CHRM3: variants seen among roughly 807,000 people sequenced by gnomAD.
CHRM3 encodes cholinergic receptor muscarinic 3.
Under a neutral mutation model 41.8 loss-of-function variants are expected in CHRM3, and 11 were observed. The observed-to-expected ratio is 0.26, with a 90% CI of 0.17 to 0.44. The LOEUF is 0.44. Ranked by LOEUF, CHRM3 falls within the 20% of genes least tolerant of loss-of-function variation. The probability of loss-of-function intolerance (pLI) is 1.00; values close to 1 mark genes in which losing one functional copy is unlikely to be tolerated. For synonymous variants in CHRM3, 297 were observed against 301.4 expected (o/e 0.99, Z 0.15); for missense variants, 571 against 745.4 (o/e 0.77, Z 2.72).
Position 239,881,945 on chromosome 1 carries a change from G to A in CHRM3, c.-19-25488G>A, listed in dbSNP as rs555391700. On this transcript the variant is annotated intron_variant, in intron 6 of 6. Coordinates refer to ENST00000676153, the MANE Select transcript of CHRM3 (RefSeq NM_001375978.1). The stretch of plus-strand genomic sequence containing the variant: ...TTTGAGATGGAGTCTCGCTCTTGTC[G>A]CCCAGGCTGGAGTGCAGTGGTGCCA... Among the ~76,000 whole-genome samples the A allele has an allele frequency of 1.1e-4, 17 of 152,042 alleles. No homozygotes were observed. The South Asian group carries it at 2.3e-3, about 20-fold the overall frequency.
chr1:239,701,795 G>C (rs1315868294), intron 5 of CHRM3, among the ~76,000 whole-genome samples: 1 of 152,048 alleles, frequency 6.6e-6, no homozygotes, highest in Non-Finnish European at 1.5e-5. Context: ...ATCGCCGTAG[G>C]TATGTTTGCT....
chr1:239,445,817 T>C (rs1664082901), intron 1 of CHRM3, among the ~76,000 whole-genome samples: 1 of 152,108 alleles, frequency 6.6e-6, no homozygotes, highest in Non-Finnish European at 1.5e-5. Context: ...AATCCAGAGA[T>C]AAAAGACATA....
chr1:239,527,507 T>C (rs1447545448), intron 2 of CHRM3, among the ~76,000 whole-genome samples: 2 of 152,232 alleles, frequency 1.3e-5, no homozygotes, highest in South Asian at 2.1e-4. Context: ...CTGTGACAAC[T>C]GCATGACTTG....
rs1392058392 is a variant in CHRM3, at chr1:239,406,819, T to A, written c.-521+19592T>A. On this transcript the variant is annotated intron_variant, in intron 1 of 6. Transcript: ENST00000676153. ...CTAGGTTCAGGAGGGGATAAAAAAA[T>A]TGTGTAGCAAAGTCTTGACCCTAGA... Among the ~76,000 whole-genome samples the A allele has an allele frequency of 3.3e-5, 5 of 152,174 alleles. No homozygotes were observed. In the East Asian group the frequency reaches 9.6e-4, roughly 29 times the overall value.
At chr1:239,610,842 A>G (rs1319741827) in intron 3 of CHRM3, among the ~76,000 whole-genome samples, 2 of 152,184 alleles carry the variant, frequency 1.3e-5, no homozygotes, top group Non-Finnish European at 1.5e-5. Flanking sequence ...TCATGAGGTC[A>G]AGAGATTGAG....
chr1:239,883,085 C>G (rs73131064), intron 6 of CHRM3, among the ~76,000 whole-genome samples: 2,441 of 152,270 alleles, frequency 0.016, 75 homozygotes, highest in African/African-American at 0.056. Flanking sequence ...ATTTCCACCC[C>G]CTCTTGTCTA....
intron 5 of CHRM3, among the ~76,000 whole-genome samples, chr1:239,691,242 C>T (rs1399833253): frequency 2.0e-5 from 3 of 152,080 alleles, no homozygotes; most frequent in African/African-American, 7.2e-5. Context: ...TTATTTGAAA[C>T]TTGCAGGATC....
intron 2 of CHRM3, among the ~76,000 whole-genome samples, chr1:239,502,818 A>G (rs1668324972): frequency 2.0e-5 from 3 of 152,260 alleles, no homozygotes; most frequent in Admixed American, 2.0e-4. Context: ...TCACATGATC[A>G]TCTCAATAGT....
intron 1 of CHRM3, among the ~76,000 whole-genome samples, chr1:239,425,251 T>G (rs1662276697): frequency 6.6e-6 from 1 of 152,194 alleles, no homozygotes; most frequent in South Asian, 2.1e-4. Flanking sequence ...CATTGACATC[T>G]CTTCCTTTAC....
At chr1:239,515,398 C>T (rs116476328) in intron 2 of CHRM3, among the ~76,000 whole-genome samples, 170 of 147,660 alleles carry the variant, frequency 1.2e-3, no homozygotes, top group African/African-American at 4.1e-3. Context: ...TGCAATTGTT[C>T]ACATGTTTTT....
chr1:239,434,060 A>AATTAAC (rs1663042817), intron 1 of CHRM3, among the ~76,000 whole-genome samples: 1 of 152,154 alleles, frequency 6.6e-6, no homozygotes, highest in Non-Finnish European at 1.5e-5. Context: ...TAGTGGTTCA[A>AATTAAC]CACATGCAAT....
At chr1:239,883,352 C>T (rs958880120) in intron 6 of CHRM3, among the ~76,000 whole-genome samples, 6 of 152,186 alleles carry the variant, frequency 3.9e-5, no homozygotes, top group African/African-American at 1.4e-4. Flanking sequence ...AACTATGCCC[C>T]TCATTCATTT....
chr1:239,908,039 C>A lies in CHRM3; in HGVS notation c.588C>A (p.Ser196=). The A allele has an allele frequency of 6.2e-7, 1 of 1,614,188 alleles. No individual in the cohort carries two copies. Among genetic ancestry groups the A allele is most frequent in the Non-Finnish European group, 8.5e-7 (1 of 1,180,048 alleles). ...GVMIGLAWVI[S]FVLWAPAILF... is the part of the protein sequence containing the mutation. ...TGATCGGTCTGGCTTGGGTCATCTC[C>A]TTTGTCCTTTGGGCTCCTGCCATCT... is the stretch of plus-strand genomic sequence containing the variant. The change falls in exon 7 of 7, where the codon TCC becomes TCA. Residue 196 remains serine, a synonymous_variant. Coordinates refer to ENST00000676153, the MANE Select transcript of CHRM3 (RefSeq NM_001375978.1). This position sits in a 1 kb window ranked among gnomAD's most constrained non-coding sequence, Gnocchi z 7.2.
At chr1:239,724,630 A>G (rs998527226) in intron 5 of CHRM3, among the ~76,000 whole-genome samples, 2 of 151,948 alleles carry the variant, frequency 1.3e-5, no homozygotes, top group Non-Finnish European at 1.5e-5. Flanking sequence ...TGAGAATAAG[A>G]TAATGTTTAG....
At chr1:239,672,514 G>T in intron 4 of CHRM3, among the ~76,000 whole-genome samples, 1 of 151,978 alleles carries the variant, frequency 6.6e-6, no homozygotes, top group East Asian at 1.9e-4. Flanking sequence ...ACATGCCATA[G>T]ATCAGAGAAG....
intron 1 of CHRM3, among the ~76,000 whole-genome samples, chr1:239,484,306 G>A (rs1379071317): frequency 6.6e-6 from 1 of 152,094 alleles, no homozygotes; most frequent in Non-Finnish European, 1.5e-5. Flanking sequence ...GAGAGGAGGT[G>A]CCATACTCTT....
chr1:239,433,464 CT>C (rs1662986221), intron 1 of CHRM3, among the ~76,000 whole-genome samples: 1 of 152,054 alleles, frequency 6.6e-6, no homozygotes, highest in African/African-American at 2.4e-5. Flanking sequence ...ATGCAATTTT[CT>C]TTTTTTATTT....
At chr1:239,872,865 C>CA (rs1169045919) in intron 6 of CHRM3, among the ~76,000 whole-genome samples, 3 of 151,750 alleles carry the variant, frequency 2.0e-5, no homozygotes, top group Non-Finnish European at 4.4e-5. Context: ...GCCACCTGCA[C>CA]AAAAAAACAG....
At chr1:239,582,757 C>G (rs1309079095) in intron 3 of CHRM3, among the ~76,000 whole-genome samples, 1 of 152,118 alleles carries the variant, frequency 6.6e-6, no homozygotes, top group Non-Finnish European at 1.5e-5. Flanking sequence ...CTATGTCACT[C>G]CCCTACAGAA....
Sources: allele counts gnomAD v4.1 joint callset (sites outside exome capture counted in the v4.1 genomes callset), GRCh38; gene constraint gnomAD v4.1.1; non-coding constraint Gnocchi (gnomAD v3.1); transcripts MANE v1.5; gene names NCBI Gene and HGNC (gene_info 2026-07-23, HGNC 2026-07-21).